Variants in PNLIPRP3 observed in about 807,000 individuals in gnomAD.
PNLIPRP3 encodes pancreatic lipase-related protein 3.
PNLIPRP3 carries 58 observed loss-of-function variants against 52.8 expected under a neutral mutation model. That is an observed-to-expected ratio of 1.10 (90% CI 0.89 to 1.37). PNLIPRP3 has a LOEUF of 1.37. PNLIPRP3 is among the 40% of genes most tolerant of loss of function. The pLI is 0.00. For missense variants in PNLIPRP3, 593 were observed against 561.6 expected, an observed-to-expected ratio of 1.06 and a Z score of -0.57; for synonymous variants, 192 against 185.0, an observed-to-expected ratio of 1.04 and a Z score of -0.31.
chr10:116,428,102 A>G (rs1163907811), intron 1 of PNLIPRP3, 41 bp downstream of exon 1: 1 of 1,374,150 alleles, frequency 7.3e-7, no homozygotes, highest in African/African-American at 1.4e-5. Flanking sequence ...AAAAATAATG[A>G]GTATACTTAC....
intron 5 of PNLIPRP3, among the ~76,000 whole-genome samples, chr10:116,456,697 A>G (rs923199761): frequency 6.6e-6 from 1 of 152,186 alleles, no homozygotes; most frequent in Non-Finnish European, 1.5e-5. Context: ...TCTGTTTTCC[A>G]AACCAATTGT....
chr10:116,461,131 T>G (rs561083050), intron 6 of PNLIPRP3, 37 bp from the exon 7 acceptor site: 16 of 1,613,972 alleles, frequency 9.9e-6, no homozygotes, highest in Non-Finnish European at 1.4e-5. Context: ...ATAGAGGAGA[T>G]TTTTAGAGGC....
chr10:116,433,320 C>T (rs1162246085), intron 1 of PNLIPRP3, among the ~76,000 whole-genome samples: 1 of 151,864 alleles, frequency 6.6e-6, no homozygotes, highest in Admixed American at 6.6e-5. Flanking sequence ...TAAAAGGAAG[C>T]AAATTTCTCT....
intron 2 of PNLIPRP3, among the ~76,000 whole-genome samples, chr10:116,437,570 G>A (rs1279203602): frequency 6.6e-6 from 1 of 152,174 alleles, no homozygotes; most frequent in East Asian, 1.9e-4. Flanking sequence ...GGAACAAATT[G>A]TATAGTTCCT....
chr10:116,466,033 G>T lies in PNLIPRP3; in HGVS notation c.809-17G>T. ...ATCAGTTAATTGCTATCAGTTAATTGGGAATTGTTTTCACAGAAATGGCTT... is the reference window on the plus strand; with the variant it reads ...ATCAGTTAATTGCTATCAGTTAATTTGGAATTGTTTTCACAGAAATGGCTT... On this transcript the variant is annotated splice_polypyrimidine_tract_variant and intron_variant, in intron 7 of 11. Transcript: ENST00000369230. 1 of 1,542,674 alleles carries T rather than the reference G, an allele frequency of 6.5e-7. No individual in the cohort carries two copies. The highest frequency in any genetic ancestry group is 9.0e-7 in the Non-Finnish European group (1 of 1,115,478).
chr10:116,459,601 C>T (rs561472854), intron 5 of PNLIPRP3, among the ~76,000 whole-genome samples: 9 of 152,198 alleles, frequency 5.9e-5, no homozygotes, highest in South Asian at 2.1e-4. Flanking sequence ...CATCTTCCAC[C>T]GAATCCTAGA....
Position 116,469,182 on chromosome 10 carries a change from C to A in PNLIPRP3, c.928-3C>A. The stretch of plus-strand genomic sequence containing the variant: ...GTAATCACCTTTCATTTTCTGTCAT[C>A]AGGGAAATTGCTTCTTTTGTTCCAA... On this transcript the variant is annotated splice_polypyrimidine_tract_variant and splice_region_variant and intron_variant, in intron 8 of 11. Coordinates refer to ENST00000369230, the MANE Select transcript of PNLIPRP3 (RefSeq NM_001011709.3). The A allele has an allele frequency of 1.2e-6, 2 of 1,609,494 alleles. No homozygotes were observed. The highest frequency in any genetic ancestry group is 1.7e-6 in the Non-Finnish European group (2 of 1,178,688).
intron 9 of PNLIPRP3, among the ~76,000 whole-genome samples, chr10:116,470,276 G>C (rs1193709792): frequency 6.6e-6 from 1 of 152,164 alleles, no homozygotes; most frequent in Non-Finnish European, 1.5e-5. Flanking sequence ...TCTACAGATA[G>C]AGAGTTGGGA....
chr10:116,476,941 T>C, intron 11 of PNLIPRP3, 122 bp downstream of exon 11: 1 of 1,244,398 alleles, frequency 8.0e-7, no homozygotes, highest in South Asian at 1.6e-5. Flanking sequence ...ATTTTGCAAT[T>C]AAAGAAAGGG....
chr10:116,455,363 G>A (rs1024064832), intron 4 of PNLIPRP3, among the ~76,000 whole-genome samples: 4 of 152,224 alleles, frequency 2.6e-5, no homozygotes, highest in African/African-American at 9.6e-5. Flanking sequence ...GTAGGAATGA[G>A]CTGCCTTTGA....
At chr10:116,465,530 A>G (rs937702300) in intron 7 of PNLIPRP3, among the ~76,000 whole-genome samples, 1 of 151,050 alleles carries the variant, frequency 6.6e-6, no homozygotes, top group African/African-American at 2.4e-5. Flanking sequence ...GCCAGACTCC[A>G]TCTAAAAAAA....
In PNLIPRP3 at chr10:116,461,052, C is replaced by G. The variant is rs760262395; in HGVS notation, c.652C>G (p.His218Asp). 4.3e-6 allele frequency: 7 copies of G among 1,614,088 alleles called. No individual in the cohort carries two copies. The highest frequency in any genetic ancestry group is 5.1e-6 in the Non-Finnish European group (6 of 1,180,050). ...PSDANFVDVI[H>D]TNAARILFEL... ...GGATGCCAACTTTGTTGACGTTATT[C>G]ATACAAATGCAGCTCGCATCCTCTT... The change falls in exon 6 of 12, where the codon CAT (histidine) becomes GAT (aspartate). Residue 218 changes from histidine to aspartate, a missense_variant. Transcript: ENST00000369230.
intron 1 of PNLIPRP3, among the ~76,000 whole-genome samples, chr10:116,433,973 G>C (rs961327980): frequency 1.3e-5 from 2 of 152,164 alleles, no homozygotes; most frequent in Non-Finnish European, 2.9e-5. Flanking sequence ...AGAGTGACCG[G>C]CATAAGGGTT....
intron 1 of PNLIPRP3, among the ~76,000 whole-genome samples, chr10:116,433,538 G>T (rs550670308): frequency 1.3e-5 from 2 of 152,164 alleles, no homozygotes; most frequent in Admixed American, 1.3e-4. Context: ...CATACTGGTG[G>T]TACTTACAGA....
chr10:116,430,312 G>C (rs1845693853), intron 1 of PNLIPRP3, among the ~76,000 whole-genome samples: 1 of 152,146 alleles, frequency 6.6e-6, no homozygotes, highest in Non-Finnish European at 1.5e-5. Context: ...TTGGAGGTTT[G>C]AGAGGCAAGA....
intron 10 of PNLIPRP3, among the ~76,000 whole-genome samples, chr10:116,473,645 CT>C (rs1259737338): frequency 7.2e-5 from 11 of 152,066 alleles, no homozygotes; most frequent in Non-Finnish European, 1.3e-4. Context: ...CCTCAGCCTC[CT>C]GGGTAACTGA....
intron 9 of PNLIPRP3, 101 bp downstream of exon 9, chr10:116,469,418 C>A: frequency 8.3e-7 from 1 of 1,211,780 alleles, no homozygotes; most frequent in Non-Finnish European, 1.1e-6. Flanking sequence ...GGGCATTAGG[C>A]CAGACTGGGA....
intron 2 of PNLIPRP3, among the ~76,000 whole-genome samples, chr10:116,441,227 A>C (rs1845853801): frequency 6.6e-6 from 1 of 152,140 alleles, no homozygotes; most frequent in Non-Finnish European, 1.5e-5. Flanking sequence ...ATGTCAGACA[A>C]GATCACCCAT....
intron 1 of PNLIPRP3, among the ~76,000 whole-genome samples, chr10:116,431,615 T>A (rs1845710614): frequency 6.6e-6 from 1 of 152,196 alleles, no homozygotes; most frequent in African/African-American, 2.4e-5. Context: ...TTAAATGGGA[T>A]AAAGACTATA....
Sources: gnomAD v4.1 joint callset for allele counts (sites outside exome capture counted in the v4.1 genomes callset) on GRCh38, gnomAD v4.1.1 for gene constraint, MANE v1.5 for transcripts, NCBI Gene and HGNC (gene_info 2026-07-23, HGNC 2026-07-21) for gene names.